The following MGST1 variants were observed in gnomAD, a reference collection of about 807,000 sequenced individuals.
MGST1 encodes glutathione S-transferase 12.
Under a neutral mutation model 8.9 loss-of-function variants are expected in MGST1, and 5 were observed. That is an observed-to-expected ratio of 0.56 (90% CI 0.29 to 1.19). The LOEUF is 1.19. MGST1 is among the 50% of genes most tolerant of loss of function. The pLI is 0.08. For missense variants in MGST1, 182 were observed against 187.4 expected (o/e 0.97, Z 0.17); for synonymous variants, 54 against 67.8 (o/e 0.80, Z 1.00).
At chr12:16,417,049 T>C (rs925665865) in intron 1 of MGST1, among the ~76,000 whole-genome samples, 2 of 152,184 alleles carry the variant, frequency 1.3e-5, no homozygotes, top group African/African-American at 4.8e-5. Context: ...TCAACAAACT[T>C]TTTTGTAGTC....
chr12:16,373,311 G>C (rs961639376), intron 3 of MGST1, among the ~76,000 whole-genome samples: 3 of 151,612 alleles, frequency 2.0e-5, no homozygotes, highest in Non-Finnish European at 4.4e-5. Context: ...AATATGGTTG[G>C]ATGGAAGGAA....
chr12:16,453,627 G>A (rs888991683), intron 4 of MGST1, among the ~76,000 whole-genome samples: 91 of 151,916 alleles, frequency 6.0e-4, no homozygotes, highest in African/African-American at 2.1e-3. Context: ...GAAGATAAAT[G>A]TCGGGATCAA....
chr12:16,436,465 C>T (rs1014455397), intron 1 of MGST1, among the ~76,000 whole-genome samples: 1 of 151,806 alleles, frequency 6.6e-6, no homozygotes, highest in South Asian at 2.1e-4. Context: ...ACATTGCATA[C>T]GTCTTTCTCT....
downstream of MGST1, among the ~76,000 whole-genome samples, chr12:16,592,854 AAG>A (rs1314837337): frequency 6.6e-6 from 1 of 151,896 alleles, no homozygotes; most frequent in African/African-American, 2.4e-5. Flanking sequence ...TAAAAACAAA[AAG>A]AATAAAATAA....
At chr12:16,541,126 T>G (rs1941790984) in intron 4 of MGST1, among the ~76,000 whole-genome samples, 1 of 152,176 alleles carries the variant, frequency 6.6e-6, no homozygotes, top group Non-Finnish European at 1.5e-5. Flanking sequence ...ATCACAATAC[T>G]TTCATTAAAA....
intron 3 of MGST1, chr12:16,370,024 A>G (rs1940265296): frequency 6.6e-6 from 1 of 152,176 alleles, no homozygotes; most frequent in East Asian, 1.9e-4. Flanking sequence ...CAGTCAATCT[A>G]TTGCACTTGT....
chr12:16,399,941 A>G, intron 1 of MGST1: 2 of 1,315,282 alleles, frequency 1.5e-6, no homozygotes, highest in Non-Finnish European at 2.2e-6. Context: ...AAAGGTGGCC[A>G]TTCCATAGCA....
chr12:16,566,011 TA>T (rs1942590110), intron 4 of MGST1, among the ~76,000 whole-genome samples: 2 of 76,736 alleles, frequency 2.6e-5, no homozygotes, highest in African/African-American at 9.3e-5. Context: ...TATATATATA[TA>T]TATATATATA....
intron 4 of MGST1, among the ~76,000 whole-genome samples, chr12:16,545,685 T>A (rs1941819898): frequency 2.0e-5 from 3 of 152,096 alleles, no homozygotes; most frequent in Non-Finnish European, 4.4e-5. Flanking sequence ...TGAAGAATCC[T>A]CTATTCTTGG....
chr12:16,553,694 A>G (rs1942077576), intron 4 of MGST1, among the ~76,000 whole-genome samples: 1 of 152,166 alleles, frequency 6.6e-6, no homozygotes, highest in Non-Finnish European at 1.5e-5. Flanking sequence ...CTGGTATGCA[A>G]TTAAGGTTGA....
intron 4 of MGST1, among the ~76,000 whole-genome samples, chr12:16,519,258 T>C (rs931055070): frequency 6.6e-6 from 1 of 152,244 alleles, no homozygotes; most frequent in Non-Finnish European, 1.5e-5. Flanking sequence ...TAGACAGTTA[T>C]TGACTTATAA....
At chr12:16,407,503 G>A (rs1443563026) in intron 1 of MGST1, among the ~76,000 whole-genome samples, 1 of 152,096 alleles carries the variant, frequency 6.6e-6, no homozygotes, top group Non-Finnish European at 1.5e-5. Context: ...AAAGCAGTGA[G>A]GCACTTCCTC....
intron 1 of MGST1, among the ~76,000 whole-genome samples, chr12:16,352,387 C>T (rs1297004087): frequency 6.6e-6 from 1 of 152,040 alleles, no homozygotes; most frequent in Non-Finnish European, 1.5e-5. Context: ...GGACACAATG[C>T]AGGGGTTGAG....
Position 16,541,030 on chromosome 12 carries a change from TACAC to T in MGST1, n.483-48494_483-48491del, listed in dbSNP as rs558554120. Among the ~76,000 whole-genome samples, 406 of 152,352 alleles carry T rather than the reference TACAC, an allele frequency of 2.7e-3. 3 individuals are homozygous for T. The highest frequency in any genetic ancestry group is 9.2e-3 in the African/African-American group (384 of 41,588). Reference sequence around the variant, plus strand: ...CACAAATTTGTTATGCATATTTTAATACACACATATATTAGGGAAAAGAATGAAG... The same window carrying T: ...CACAAATTTGTTATGCATATTTTAATACATATATTAGGGAAAAGAATGAAG... On this transcript the variant is annotated intron_variant and non_coding_transcript_variant, in intron 4 of 4. Coordinates refer to the MGST1 transcript ENST00000538857.
chr12:16,484,099 C>T (rs1565462812), intron 4 of MGST1, among the ~76,000 whole-genome samples: 1 of 152,130 alleles, frequency 6.6e-6, no homozygotes, highest in African/African-American at 2.4e-5. Context: ...GCAAAAATAA[C>T]CCTTGTCAGA....
rs527444589 is a variant in MGST1, at chr12:16,410,422, T to C, written n.778+26818T>C. Among the ~76,000 whole-genome samples, 97 of 152,130 alleles carry C rather than the reference T, an allele frequency of 6.4e-4. No individual in the cohort carries two copies. The highest frequency in any genetic ancestry group is 2.3e-3 in the African/African-American group (95 of 41,536). ...CCAGTTCTCACCCGAATTGCTGCAA[T>C]AGCCCGTCTGTGTTTTCTAAATCTG... On this transcript the variant is annotated intron_variant and non_coding_transcript_variant, in intron 1 of 1. Transcript: ENST00000359720. The surrounding 1 kb of genome is among the most constrained non-coding windows in gnomAD (Gnocchi z 4.4).
intron 4 of MGST1, among the ~76,000 whole-genome samples, chr12:16,449,931 T>A (rs1238521155): frequency 6.6e-6 from 1 of 151,902 alleles, no homozygotes; most frequent in East Asian, 1.9e-4. Context: ...AGGGTTAGGG[T>A]AATGAAACTT....
chr12:16,358,780 T>A (rs12831462), intron 3 of MGST1, among the ~76,000 whole-genome samples: 3 of 13,408 alleles, frequency 2.2e-4, no homozygotes, highest in African/African-American at 6.8e-4. Context: ...AATTCATTCC[T>A]TTTTTTTTTT....
chr12:16,535,556 A>T (rs995627938), intron 4 of MGST1, among the ~76,000 whole-genome samples: 1 of 152,244 alleles, frequency 6.6e-6, no homozygotes, highest in East Asian at 1.9e-4. Context: ...GGGATTCCCC[A>T]GTTACATGCA....
Sources: allele counts gnomAD v4.1 joint callset (sites outside exome capture counted in the v4.1 genomes callset), GRCh38; gene constraint gnomAD v4.1.1; non-coding constraint Gnocchi (gnomAD v3.1); transcripts MANE v1.5; gene names NCBI Gene and HGNC (gene_info 2026-07-23, HGNC 2026-07-21).